Variants in TTC13 observed in about 807,000 individuals in gnomAD.
The protein encoded by TTC13 is tetratricopeptide repeat protein 13.
TTC13 carries 62 observed loss-of-function variants against 120.0 expected under a neutral mutation model. The observed-to-expected ratio is 0.52, with a 90% CI of 0.42 to 0.64. The LOEUF is 0.64. Among genes scored for constraint, TTC13 ranks in the 30% least tolerant of loss-of-function variants. TTC13 has a pLI of 0.00. For synonymous variants in TTC13, 384 were observed against 393.5 expected (o/e 0.98, Z 0.28); for missense variants, 824 against 1,050.2 (o/e 0.78, Z 2.98).
chr1:230,954,087 G>A (rs1183768208), intron 4 of TTC13, among the ~76,000 whole-genome samples: 2 of 152,096 alleles, frequency 1.3e-5, no homozygotes, highest in African/African-American at 2.4e-5. Flanking sequence ...TGAGTAAATT[G>A]CTTGACCTGA....
At position 230,940,214 on chromosome 1, in the gene TTC13, T is replaced by C. The variant is rs538915612; in HGVS notation, c.789+226A>G. Among the ~76,000 whole-genome samples, 7 of 152,344 alleles carry C rather than the reference T, an allele frequency of 4.6e-5. No homozygotes were observed. In the South Asian group the frequency reaches 1.4e-3, roughly 32 times the overall value. Reference sequence around the variant, plus strand: ...TTCTCTCTCTTTTTTTAAATGCCAGTCCAGAATTAGTTATTGCTGACAGCT... The same window carrying C: ...TTCTCTCTCTTTTTTTAAATGCCAGCCCAGAATTAGTTATTGCTGACAGCT... On this transcript the variant is annotated intron_variant, in intron 7 of 22. Coordinates refer to ENST00000366661, the MANE Select transcript of TTC13 (RefSeq NM_024525.5). The surrounding 1 kb of genome is among the most constrained non-coding windows in gnomAD (Gnocchi z 4.1).
intron 18 of TTC13, among the ~76,000 whole-genome samples, chr1:230,914,214 C>G (rs567677503): frequency 6.6e-6 from 1 of 152,126 alleles, no homozygotes; most frequent in South Asian, 2.1e-4. Flanking sequence ...AACATGGGTT[C>G]GAACTGCATG....
intron 12 of TTC13, 87 bp from the exon 13 acceptor site, chr1:230,925,734 A>G: frequency 1.4e-6 from 2 of 1,468,482 alleles, no homozygotes; most frequent in Non-Finnish European, 9.4e-7. Context: ...CACTTCCTCC[A>G]CGGGAAAACT....
chr1:230,967,576 G>T (rs1004044076), intron 1 of TTC13, among the ~76,000 whole-genome samples: 1 of 152,030 alleles, frequency 6.6e-6, no homozygotes, highest in Non-Finnish European at 1.5e-5. Flanking sequence ...TCTGATTGAG[G>T]TAGATCATTC....
intron 3 of TTC13, among the ~76,000 whole-genome samples, chr1:230,957,744 T>G (rs997782894): frequency 5.3e-5 from 8 of 151,950 alleles, no homozygotes; most frequent in Non-Finnish European, 1.2e-4. Flanking sequence ...CACCAAACTA[T>G]GTGACTCGTG....
chr1:230,975,211 G>GAAA (rs112878803), intron 1 of TTC13, among the ~76,000 whole-genome samples: 2 of 138,236 alleles, frequency 1.4e-5, no homozygotes, highest in Non-Finnish European at 1.6e-5. Context: ...TGTCTCTACA[G>GAAA]AAAAAAAAAA....
chr1:230,950,358 T>C (rs567180065), intron 4 of TTC13, among the ~76,000 whole-genome samples: 3 of 152,264 alleles, frequency 2.0e-5, no homozygotes, highest in South Asian at 4.1e-4. Context: ...AATTTTACTT[T>C]ATGCAACTGC....
rs998577221 is a variant in TTC13, at chr1:230,961,087, A to G, written c.366+122T>C. ...GCAAAATACCAGACGACCTATCTTT[A>G]TCCTATGCATGTAGACTCAACGAGG... On this transcript the variant is annotated intron_variant, in intron 2 of 22. Transcript: ENST00000366661. The G allele has an allele frequency of 2.3e-5, 15 of 652,746 alleles. No individual in the cohort carries two copies. The Middle Eastern group carries it at 1.1e-3, about 48-fold the overall frequency. The allele number at this position is 652,746 out of a possible 1,614,324, so 40.4% of individuals were successfully genotyped here. A position where few individuals can be genotyped will look rare whatever the true frequency, so the allele number is the denominator to read the frequency against.
In TTC13 at chr1:230,931,993, C is replaced by T. The variant is rs908910008; in HGVS notation, c.984-116G>A. 3.0e-6 allele frequency: 3 copies of T among 986,234 alleles called. No homozygotes were observed. In the East Asian group the frequency reaches 7.7e-5, roughly 25 times the overall value. The allele number at this position is 986,234 out of a possible 1,614,324, so 61.1% of individuals were successfully genotyped here. On this transcript the variant is annotated intron_variant, in intron 9 of 22. Transcript: ENST00000366661. ...AACAAGATACCTTGATGGGAGTGTT[C>T]CCTTTGTTGCTTTTTTATAGCCTCT...
chr1:230,931,912 G>A, intron 9 of TTC13, 35 bp from the exon 10 acceptor site: 1 of 1,593,102 alleles, frequency 6.3e-7, no homozygotes, highest in Non-Finnish European at 8.6e-7. Context: ...ATACAGTATA[G>A]ATATTACGGG....
At chr1:230,911,691 C>A in intron 19 of TTC13, 142 bp from the exon 20 acceptor site, 1 of 530,744 alleles carries the variant, frequency 1.9e-6, no homozygotes, top group Middle Eastern at 5.0e-4. Flanking sequence ...TTTTCAAATT[C>A]TTGAATATTC....
intron 17 of TTC13, among the ~76,000 whole-genome samples, chr1:230,918,655 T>A (rs1024486640): frequency 6.6e-6 from 1 of 152,146 alleles, no homozygotes; most frequent in African/African-American, 2.4e-5. Context: ...ACCCTCACAA[T>A]AAACTCCACG....
Position 230,925,515 on chromosome 1 carries a change from A to G in TTC13, c.1588+2T>C. ...TTCATTTTCAGGTAGTTTCCAGAATACCTCTGTGTATTCTCTTGTTTGGCA... is the reference window on the plus strand; with the variant it reads ...TTCATTTTCAGGTAGTTTCCAGAATGCCTCTGTGTATTCTCTTGTTTGGCA... On this transcript the variant is annotated splice_donor_variant, in intron 13 of 22. Coordinates refer to ENST00000366661, the MANE Select transcript of TTC13 (RefSeq NM_024525.5). LOFTEE classifies it high-confidence loss of function. The G allele has an allele frequency of 5.6e-6, 9 of 1,613,926 alleles. No homozygotes were observed. Among genetic ancestry groups the G allele is most frequent in the Non-Finnish European group, 7.6e-6 (9 of 1,179,918 alleles).
At position 230,945,434 on chromosome 1, in the gene TTC13, A is replaced by G; in HGVS notation, c.534T>C (p.Ser178=). The G allele has an allele frequency of 6.2e-7, 1 of 1,614,170 alleles. No individual in the cohort carries two copies. The highest frequency in any genetic ancestry group is 8.5e-7 in the Non-Finnish European group (1 of 1,180,006). ...AGGCTATCCCTCGGCCATAAATTGC[A>G]CTAACCAGATCAGGCTCCTCCTAGT... is the stretch of plus-strand genomic sequence containing the variant. The part of the protein sequence containing the change: ...TMLQEEPDLV[S]AIYGRGIAYG... The change falls in exon 5 of 23, where the codon AGT becomes AGC. Residue 178 remains serine (S), a synonymous_variant. Transcript: ENST00000366661.
intron 3 of TTC13, among the ~76,000 whole-genome samples, chr1:230,955,152 T>C (rs1675935309): frequency 6.6e-6 from 1 of 152,132 alleles, no homozygotes; most frequent in Non-Finnish European, 1.5e-5. Context: ...TTGCCATCTA[T>C]AAAATTTGCC....
At chr1:230,958,379 A>C in intron 2 of TTC13, 80 bp from the exon 3 acceptor site, 8 of 1,452,144 alleles carry the variant, frequency 5.5e-6, no homozygotes, top group Non-Finnish European at 4.6e-6. Flanking sequence ...TGTATTTTAA[A>C]AAATTAAAAT....
chr1:230,966,180 T>G (rs189172159), intron 1 of TTC13, among the ~76,000 whole-genome samples: 143 of 152,312 alleles, frequency 9.4e-4, no homozygotes, highest in African/African-American at 3.3e-3. Context: ...ACAGAATAAT[T>G]GTACATATGG....
chr1:230,950,126 A>T (rs1337655044), intron 4 of TTC13, among the ~76,000 whole-genome samples: 1 of 152,166 alleles, frequency 6.6e-6, no homozygotes. Context: ...GCTAAAAGCC[A>T]AAAACTTTTC....
chr1:230,907,493 T>C (rs190581796), intron 22 of TTC13, among the ~76,000 whole-genome samples: 78 of 152,396 alleles, frequency 5.1e-4, no homozygotes, highest in African/African-American at 1.7e-3. Flanking sequence ...GGTAGCATTG[T>C]TATTCTTTCC....
Sources: allele counts gnomAD v4.1 joint callset (sites outside exome capture counted in the v4.1 genomes callset), GRCh38; gene constraint gnomAD v4.1.1; non-coding constraint Gnocchi (gnomAD v3.1); transcripts MANE v1.5; gene names NCBI Gene and HGNC (gene_info 2026-07-23, HGNC 2026-07-21).